KIT: variants seen among roughly 807,000 people sequenced by gnomAD.
KIT encodes the protein KIT proto-oncogene, receptor tyrosine kinase.
In KIT, 16 loss-of-function variants were observed where a neutral mutation model predicts 105.7. That is an observed-to-expected ratio of 0.15 (90% CI 0.10 to 0.23). The LOEUF (loss-of-function observed/expected upper bound fraction) is 0.23, where lower values mean the gene tolerates loss of function less well. Among genes scored for constraint, KIT ranks in the 10% least tolerant of loss-of-function variants. The pLI is 1.00. For synonymous variants in KIT, 438 were observed against 441.1 expected (o/e 0.99, Z 0.09); for missense variants, 858 against 1,213.8 (o/e 0.71, Z 4.36).
chr4:54,676,238 C>G (rs777200912), intron 1 of KIT, among the ~76,000 whole-genome samples: 4 of 151,970 alleles, frequency 2.6e-5, no homozygotes, highest in African/African-American at 4.8e-5. Context: ...ACTCTCCGCC[C>G]CCACCCAAGA....
intron 1 of KIT, among the ~76,000 whole-genome samples, chr4:54,690,055 TTG>T (rs200240141): frequency 1.8e-4 from 20 of 112,216 alleles, no homozygotes; most frequent in African/African-American, 7.3e-4. Context: ...TACTTTTTTT[TTG>T]TGGGGGGGGG....
At chr4:54,662,126 C>G (rs957509558) in intron 1 of KIT, among the ~76,000 whole-genome samples, 1 of 152,096 alleles carries the variant, frequency 6.6e-6, no homozygotes, top group African/African-American at 2.4e-5. Context: ...GGCCTGTGCT[C>G]TTCAGGTTGC....
chr4:54,664,512 C>G (rs1241186580), intron 1 of KIT, among the ~76,000 whole-genome samples: 1 of 152,138 alleles, frequency 6.6e-6, no homozygotes, highest in Non-Finnish European at 1.5e-5. Flanking sequence ...AAGCGAGAGG[C>G]CAAGCCCTGC....
chr4:54,688,455 C>T (rs569291357), intron 1 of KIT, among the ~76,000 whole-genome samples: 1 of 151,608 alleles, frequency 6.6e-6, no homozygotes, highest in Admixed American at 6.6e-5. Flanking sequence ...TTTTCTTCCC[C>T]GCCATTATTT....
intron 8 of KIT, among the ~76,000 whole-genome samples, chr4:54,725,601 C>G (rs1722163672): frequency 6.6e-6 from 1 of 152,094 alleles, no homozygotes; most frequent in South Asian, 2.1e-4. Flanking sequence ...CGTAGAAACT[C>G]AGTGTTGGTG....
intron 7 of KIT, among the ~76,000 whole-genome samples, chr4:54,710,797 T>A (rs1721106281): frequency 6.6e-6 from 1 of 152,182 alleles, no homozygotes; most frequent in Non-Finnish European, 1.5e-5. Flanking sequence ...TGCTTCAGCC[T>A]CCCAAAGTGC....
intron 4 of KIT, among the ~76,000 whole-genome samples, chr4:54,700,065 A>G (rs1179838962): frequency 1.3e-5 from 2 of 152,224 alleles, no homozygotes; most frequent in Non-Finnish European, 2.9e-5. Flanking sequence ...GGGACTTAAA[A>G]AACATGGTTA....
rs2109674775 is a variant in KIT, at chr4:54,698,558, G to A, written c.612G>A (p.Val204=). ...SVLSEKFILK[V]RPAFKAVPVV... ...TGTCGGAAAAATTCATCCTGAAAGTGAGGCCAGGTACTGGCTCTTTCTTAT... is the reference window on the plus strand; with the variant it reads ...TGTCGGAAAAATTCATCCTGAAAGTAAGGCCAGGTACTGGCTCTTTCTTAT... The change falls in exon 3 of 21, where the codon GTG becomes GTA. Residue 204 remains valine, a synonymous_variant. Transcript: ENST00000288135. 1 of 1,614,126 alleles carries A rather than the reference G, an allele frequency of 6.2e-7. No homozygotes were observed. Among genetic ancestry groups the A allele is most frequent in the Non-Finnish European group, 8.5e-7 (1 of 1,180,000 alleles).
chr4:54,716,119 A>C (rs754702676), intron 7 of KIT, among the ~76,000 whole-genome samples: 2 of 152,224 alleles, frequency 1.3e-5, no homozygotes, highest in Admixed American at 6.5e-5. Context: ...CTTGCTGTTA[A>C]TTTTTGCTTG....
chr4:54,691,757 C>T (rs971283673), intron 1 of KIT, among the ~76,000 whole-genome samples: 5 of 151,512 alleles, frequency 3.3e-5, no homozygotes, highest in African/African-American at 9.7e-5. Context: ...GGGTGGGTGG[C>T]GGCTGGCGGG....
chr4:54,709,376 C>A, intron 6 of KIT, 48 bp from the exon 7 acceptor site: 1 of 1,174,944 alleles, frequency 8.5e-7, no homozygotes, highest in Non-Finnish European at 1.3e-6. Context: ...ACATGCCTTC[C>A]AAGGCATGCT....
intron 16 of KIT, 47 bp downstream of exon 16, chr4:54,732,045 A>ATT (rs71662297): frequency 0.035 from 30,792 of 868,448 alleles, 142 homozygotes; most frequent in Middle Eastern, 0.046. Flanking sequence ...TGTTTTTTTG[A>ATT]TTTTTTTTTT....
intron 1 of KIT, among the ~76,000 whole-genome samples, chr4:54,670,053 C>T (rs1193002577): frequency 2.0e-5 from 3 of 152,168 alleles, no homozygotes; most frequent in Non-Finnish European, 4.4e-5. Context: ...AGCAGCAGGC[C>T]TCTTGATTCA....
intron 1 of KIT, among the ~76,000 whole-genome samples, chr4:54,673,984 T>G (rs1025065275): frequency 2.0e-5 from 3 of 152,218 alleles, no homozygotes; most frequent in Non-Finnish European, 4.4e-5. Flanking sequence ...TTGGCCAGAC[T>G]GGTCTTGAAC....
intron 7 of KIT, among the ~76,000 whole-genome samples, chr4:54,712,715 A>G (rs1430294808): frequency 1.3e-5 from 2 of 152,130 alleles, no homozygotes; most frequent in Non-Finnish European, 2.9e-5. Flanking sequence ...AGCCTTCCAA[A>G]AGGATATCTT....
chr4:54,705,025 T>G (rs1720701531), intron 5 of KIT, among the ~76,000 whole-genome samples: 1 of 152,238 alleles, frequency 6.6e-6, no homozygotes, highest in Admixed American at 6.5e-5. Flanking sequence ...AGTGTACTAC[T>G]TTGTTCCTAA....
chr4:54,666,109 A>C (rs1023951638), intron 1 of KIT, among the ~76,000 whole-genome samples: 2 of 152,206 alleles, frequency 1.3e-5, no homozygotes, highest in African/African-American at 4.8e-5. Context: ...TTTGAAAGCA[A>C]CTTAAAGAAA....
chr4:54,666,502 T>A (rs1717705208), intron 1 of KIT, among the ~76,000 whole-genome samples: 1 of 151,648 alleles, frequency 6.6e-6, no homozygotes, highest in Non-Finnish European at 1.5e-5. Context: ...ATGGTCTTGA[T>A]CTCTTGACCT....
intron 5 of KIT, among the ~76,000 whole-genome samples, chr4:54,704,766 T>C (rs1287008125): frequency 6.6e-6 from 1 of 152,204 alleles, no homozygotes; most frequent in Non-Finnish European, 1.5e-5. Flanking sequence ...TAGACTTTCA[T>C]TAAATACTTC....
Sources: allele counts gnomAD v4.1 joint callset (sites outside exome capture counted in the v4.1 genomes callset), GRCh38; gene constraint gnomAD v4.1.1; transcripts MANE v1.5; gene names NCBI Gene and HGNC (gene_info 2026-07-23, HGNC 2026-07-21).